The following TMTC2 variants were observed in gnomAD, a reference collection of about 807,000 sequenced individuals.
TMTC2 encodes the protein transmembrane O-mannosyltransferase targeting cadherins 2, also known as protein O-mannosyl-transferase TMTC2.
TMTC2 carries 43 observed loss-of-function variants against 82.4 expected under a neutral mutation model. The ratio of observed to expected loss-of-function variants is 0.52; its 90% CI spans 0.41 to 0.67. The LOEUF is 0.67. Ranked by LOEUF, TMTC2 falls within the 30% of genes least tolerant of loss-of-function variation. TMTC2 has a pLI of 0.00. For missense variants in TMTC2, 919 were observed against 1,012.4 expected (o/e 0.91, Z 1.25); for synonymous variants, 408 against 381.9 (o/e 1.07, Z -0.80).
At chr12:82,765,304 T>C (rs1231459050) in intron 1 of TMTC2, among the ~76,000 whole-genome samples, 1 of 152,200 alleles carries the variant, frequency 6.6e-6, no homozygotes, top group Non-Finnish European at 1.5e-5. Context: ...ATCAAGTGTT[T>C]AGTCTATGTC....
intron 1 of TMTC2, among the ~76,000 whole-genome samples, chr12:82,740,577 G>A (rs1875348366): frequency 6.6e-6 from 1 of 152,100 alleles, no homozygotes; most frequent in African/African-American, 2.4e-5. Flanking sequence ...TTTTCTTATG[G>A]GTGTGTCTCG....
chr12:82,810,752 C>T (rs554175780), intron 1 of TMTC2, among the ~76,000 whole-genome samples: 1 of 152,138 alleles, frequency 6.6e-6, no homozygotes, highest in South Asian at 2.1e-4. Flanking sequence ...GGGCTGTTTC[C>T]CTCATGCTGT....
intron 4 of TMTC2, among the ~76,000 whole-genome samples, chr12:82,954,234 T>C (rs184788762): frequency 1.9e-4 from 29 of 152,326 alleles, no homozygotes; most frequent in Middle Eastern, 6.8e-3. Flanking sequence ...TGGCTTGATC[T>C]GTCTGGAATG....
chr12:82,958,515 G>A (rs1877744534), intron 4 of TMTC2, among the ~76,000 whole-genome samples: 1 of 152,040 alleles, frequency 6.6e-6, no homozygotes, highest in Non-Finnish European at 1.5e-5. Flanking sequence ...TGGGATGCAA[G>A]GTTGGTTCAA....
chr12:82,815,455 C>T (rs191615273), intron 1 of TMTC2, among the ~76,000 whole-genome samples: 3 of 151,740 alleles, frequency 2.0e-5, no homozygotes, highest in Admixed American at 1.3e-4. Context: ...GGACTACAGG[C>T]GCCCGCCACC....
intron 3 of TMTC2, among the ~76,000 whole-genome samples, chr12:82,911,589 T>C (rs1874661765): frequency 6.6e-6 from 1 of 152,036 alleles, no homozygotes; most frequent in African/African-American, 2.4e-5. Context: ...GTATAAGCCG[T>C]ATTCTTATTT....
intron 1 of TMTC2, among the ~76,000 whole-genome samples, chr12:82,710,198 AGT>A (rs1261263485): frequency 6.6e-6 from 1 of 152,188 alleles, no homozygotes; most frequent in Admixed American, 6.5e-5. Context: ...AGTTTTGCTT[AGT>A]GTGCTTGGTG....
chr12:83,083,618 A>G (rs1292090878), intron 11 of TMTC2, among the ~76,000 whole-genome samples: 1 of 152,166 alleles, frequency 6.6e-6, no homozygotes, highest in Non-Finnish European at 1.5e-5. Flanking sequence ...ATTCTCAGTC[A>G]ATATTGTGAA....
intron 9 of TMTC2, among the ~76,000 whole-genome samples, chr12:83,038,502 T>G (rs992615484): frequency 6.6e-6 from 1 of 152,176 alleles, no homozygotes; most frequent in Non-Finnish European, 1.5e-5. Flanking sequence ...GACTTTGCTA[T>G]TTGTTACAGG....
chr12:82,860,509 C>G (rs1871487744), intron 2 of TMTC2, among the ~76,000 whole-genome samples: 1 of 152,192 alleles, frequency 6.6e-6, no homozygotes, highest in Non-Finnish European at 1.5e-5. Flanking sequence ...GGAATAGAAT[C>G]TTAACTCAAC....
At chr12:82,837,958 A>G (rs1397741436) in intron 1 of TMTC2, among the ~76,000 whole-genome samples, 2 of 152,222 alleles carry the variant, frequency 1.3e-5, no homozygotes, top group African/African-American at 2.4e-5. Flanking sequence ...TAATTTTGCT[A>G]CTTGCTGTGA....
At chr12:82,897,213 CAGTT>C (rs1325261755) in intron 3 of TMTC2, among the ~76,000 whole-genome samples, 9 of 152,190 alleles carry the variant, frequency 5.9e-5, no homozygotes, top group Non-Finnish European at 1.3e-4. Context: ...TGTTGCCAAG[CAGTT>C]AGCAAGTTTT....
At chr12:82,752,576 CTG>C (rs1876074836) in intron 1 of TMTC2, among the ~76,000 whole-genome samples, 1 of 152,026 alleles carries the variant, frequency 6.6e-6, no homozygotes, top group African/African-American at 2.4e-5. Flanking sequence ...GGAGCATAAA[CTG>C]GGGAGTGGCG....
intron 8 of TMTC2, among the ~76,000 whole-genome samples, chr12:83,030,492 G>A (rs1208153358): frequency 1.3e-5 from 2 of 152,042 alleles, no homozygotes; most frequent in East Asian, 1.9e-4. Flanking sequence ...AAACTGTCTT[G>A]TCTTTCTGGT....
intron 1 of TMTC2, among the ~76,000 whole-genome samples, chr12:82,796,769 G>T (rs192402462): frequency 6.6e-6 from 1 of 152,094 alleles, no homozygotes; most frequent in African/African-American, 2.4e-5. Context: ...AGAGCAGGGT[G>T]TATTGGGAGT....
intron 11 of TMTC2, among the ~76,000 whole-genome samples, chr12:83,131,929 G>A (rs567151675): frequency 6.6e-6 from 1 of 151,980 alleles, no homozygotes; most frequent in African/African-American, 2.4e-5. Flanking sequence ...ATCTGATTAG[G>A]CTTTTAGATC....
intron 11 of TMTC2, among the ~76,000 whole-genome samples, chr12:83,122,522 T>G (rs186741044): frequency 4.4e-4 from 67 of 152,248 alleles, no homozygotes; most frequent in African/African-American, 1.6e-3. Context: ...GCCCTGTATT[T>G]CACTCAGCTG....
intron 7 of TMTC2, among the ~76,000 whole-genome samples, chr12:82,969,315 G>A (rs1457124781): frequency 6.6e-6 from 1 of 152,082 alleles, no homozygotes; most frequent in Non-Finnish European, 1.5e-5. Flanking sequence ...GATTTAGCCT[G>A]TAAGTGTTCA....
intron 8 of TMTC2, among the ~76,000 whole-genome samples, chr12:83,016,836 G>A (rs1464241422): frequency 6.6e-6 from 1 of 152,126 alleles, no homozygotes; most frequent in African/African-American, 2.4e-5. Context: ...TCTGTGCCTC[G>A]CTTTCTTCTT....
Sources: allele counts gnomAD v4.1 joint callset (sites outside exome capture counted in the v4.1 genomes callset), GRCh38; gene constraint gnomAD v4.1.1; transcripts MANE v1.5; gene names NCBI Gene and HGNC (gene_info 2026-07-23, HGNC 2026-07-21).